Variants in IL20RA observed in about 807,000 individuals in gnomAD.
IL20RA encodes interleukin-20 receptor subunit alpha.
IL20RA carries 29 observed loss-of-function variants against 36.5 expected under a neutral mutation model. The observed-to-expected ratio is 0.79, with a 90% CI of 0.59 to 1.08. The LOEUF (loss-of-function observed/expected upper bound fraction) is 1.08. Among genes scored for constraint, IL20RA ranks in the 50% least tolerant of loss-of-function variants. The probability of loss-of-function intolerance (pLI) is 0.00; values close to 1 mark genes in which losing one functional copy is unlikely to be tolerated. For missense variants in IL20RA, 652 were observed against 668.4 expected (o/e 0.98, Z 0.27); for synonymous variants, 279 against 267.1 (o/e 1.04, Z -0.43).
intron 1 of IL20RA, among the ~76,000 whole-genome samples, chr6:137,025,881 A>T (rs1472800621): frequency 6.6e-6 from 1 of 152,226 alleles, no homozygotes; most frequent in Non-Finnish European, 1.5e-5. Flanking sequence ...CCTGATGAAC[A>T]CCAGTTAAAA....
intron 3 of IL20RA, among the ~76,000 whole-genome samples, chr6:137,009,809 T>C (rs893865450): frequency 1.3e-5 from 2 of 152,150 alleles, no homozygotes; most frequent in Non-Finnish European, 1.5e-5. Context: ...TTTCATCATG[T>C]TGGCCAGGCT....
At chr6:137,004,930 G>A (rs1002665736) in intron 5 of IL20RA, among the ~76,000 whole-genome samples, 170 bp from the exon 6 acceptor site, 2 of 152,160 alleles carry the variant, frequency 1.3e-5, no homozygotes, top group Non-Finnish European at 2.9e-5. Context: ...AATGTTATAA[G>A]CGGTCTCAGA....
Position 137,021,661 on chromosome 6 carries a change from C to G in IL20RA, c.89-4558G>C, listed in dbSNP as rs1775911781. On this transcript the variant is annotated intron_variant, in intron 1 of 6. Coordinates refer to ENST00000316649, the MANE Select transcript of IL20RA (RefSeq NM_014432.4). Reference sequence around the variant, plus strand: ...CCAGCCTGGGCAACAGAGCGAGACTCTGTCTCAAAAAATAAAATGTTGAAA... The same window carrying G: ...CCAGCCTGGGCAACAGAGCGAGACTGTGTCTCAAAAAATAAAATGTTGAAA... 4.6e-5 allele frequency among the ~76,000 whole-genome samples: 7 copies of G among 152,096 alleles called. No homozygotes were observed. The South Asian group carries it at 1.2e-3, about 27-fold the overall frequency.
intron 1 of IL20RA, among the ~76,000 whole-genome samples, chr6:137,032,052 CAAA>C (rs11379045): frequency 1.6e-5 from 1 of 61,922 alleles, no homozygotes. Flanking sequence ...GATTCTGTCT[CAAA>C]AAAAAAAAAA....
intron 1 of IL20RA, among the ~76,000 whole-genome samples, chr6:137,028,184 G>A (rs371417049): frequency 3.3e-5 from 5 of 152,242 alleles, no homozygotes; most frequent in Non-Finnish European, 4.4e-5. Flanking sequence ...CTGGGAGGCC[G>A]AGGTGGTTGG....
rs147603814 is a variant in IL20RA at position 137,003,293 on chromosome 6, T to C, written c.865-938A>G. Among the ~76,000 whole-genome samples the C allele has an allele frequency of 3.3e-4, 51 of 152,354 alleles. 2 individuals are homozygous for C. The East Asian group carries it at 8.3e-3, about 25-fold the overall frequency. The stretch of plus-strand genomic sequence containing the variant: ...AACTAACAGGAAACAAGGTATGTTA[T>C]CATGTACACGTGAACACATCTTTTA... On this transcript the variant is annotated intron_variant, in intron 6 of 6. Transcript: ENST00000316649.
At chr6:137,033,489 A>C (rs991560469) in intron 1 of IL20RA, among the ~76,000 whole-genome samples, 1 of 152,228 alleles carries the variant, frequency 6.6e-6, no homozygotes, top group Non-Finnish European at 1.5e-5. Context: ...TTAGTGGTTT[A>C]GCACCACCCG....
At chr6:137,030,757 T>C (rs72971575) in intron 1 of IL20RA, among the ~76,000 whole-genome samples, 7,016 of 152,322 alleles carry the variant, frequency 0.046, 215 homozygotes, top group Non-Finnish European at 0.067. Context: ...TTTTGGTTTA[T>C]TGATTAACCC....
chr6:137,006,579 A>G (rs1003063850), intron 5 of IL20RA, among the ~76,000 whole-genome samples: 5 of 152,190 alleles, frequency 3.3e-5, no homozygotes, highest in African/African-American at 1.2e-4. Context: ...TGTTTTAAAG[A>G]ATAGTTCCAA....
chr6:137,040,348 C>T (rs932257758), intron 1 of IL20RA, among the ~76,000 whole-genome samples: 4 of 151,954 alleles, frequency 2.6e-5, no homozygotes, highest in African/African-American at 7.3e-5. Context: ...TTCCCAGCTC[C>T]GTCCACCGAG....
chr6:137,035,386 G>A (rs1052760217), intron 1 of IL20RA, among the ~76,000 whole-genome samples: 1 of 152,138 alleles, frequency 6.6e-6, no homozygotes, highest in Non-Finnish European at 1.5e-5. Flanking sequence ...CTTCCTATAG[G>A]AAGCCCTGCC....
rs894761402 is a variant in IL20RA, at chr6:137,044,722, C to T, written c.7G>A (p.Ala3Thr). 6.5e-5 allele frequency: 79 copies of T among 1,218,646 alleles called. No homozygotes were observed. Among genetic ancestry groups the T allele is most frequent in the Non-Finnish European group, 8.1e-5 (79 of 979,986 alleles). The allele number at this position is 1,218,646 out of a possible 1,614,324, so 75.5% of individuals were successfully genotyped here. MR[A>T]PGRPALRPLP... Reference sequence around the variant, plus strand: ...GGCCGCAGGGCCGGGCGGCCGGGAGCCCGCATGGGCGGCGGGGCTGGGTCA... The same window carrying T: ...GGCCGCAGGGCCGGGCGGCCGGGAGTCCGCATGGGCGGCGGGGCTGGGTCA... Residue 3 changes from alanine to threonine, a missense_variant, in exon 1 of 7, where the codon GCT (alanine) becomes ACT (threonine). Transcript: ENST00000316649.
At chr6:137,041,183 G>A (rs1455990682) in intron 1 of IL20RA, among the ~76,000 whole-genome samples, 1 of 152,206 alleles carries the variant, frequency 6.6e-6, no homozygotes, top group African/African-American at 2.4e-5. Context: ...GGTCATGAAA[G>A]CAAAGAAAGG....
intron 1 of IL20RA, among the ~76,000 whole-genome samples, chr6:137,041,991 T>C (rs181644298): frequency 6.6e-6 from 1 of 151,898 alleles, no homozygotes; most frequent in Non-Finnish European, 1.5e-5. Context: ...GGCTCTGGTG[T>C]GTGATGTTCC....
intron 1 of IL20RA, among the ~76,000 whole-genome samples, chr6:137,033,774 C>G (rs952359597): frequency 6.6e-6 from 1 of 152,186 alleles, no homozygotes; most frequent in Non-Finnish European, 1.5e-5. Context: ...TTCTTTGTAG[C>G]AAGGCGAGAA....
At chr6:137,006,346 T>A (rs1446430537) in intron 5 of IL20RA, among the ~76,000 whole-genome samples, 1 of 152,224 alleles carries the variant, frequency 6.6e-6, no homozygotes, top group Non-Finnish European at 1.5e-5. Flanking sequence ...AATGCTGTGA[T>A]GCGGATGCTG....
At chr6:137,002,376 G>T in intron 6 of IL20RA, 21 bp from the exon 7 acceptor site, 1 of 1,476,644 alleles carries the variant, frequency 6.8e-7, no homozygotes, top group South Asian at 1.3e-5. Context: ...AAAAGAGAAT[G>T]ATTTTCACCT....
At chr6:137,030,070 G>GGTTTTTT (rs1776221303) in intron 1 of IL20RA, among the ~76,000 whole-genome samples, 2 of 62,804 alleles carry the variant, frequency 3.2e-5, no homozygotes, top group African/African-American at 1.3e-4. Context: ...CGGTTTGCGG[G>GGTTTTTT]TTTTTTTTTT....
intron 5 of IL20RA, among the ~76,000 whole-genome samples, chr6:137,006,179 T>C (rs907731301): frequency 6.6e-6 from 1 of 152,220 alleles, no homozygotes; most frequent in Non-Finnish European, 1.5e-5. Context: ...GCAAAGTCAC[T>C]ATCTGGTTAA....
Sources: allele counts gnomAD v4.1 joint callset (sites outside exome capture counted in the v4.1 genomes callset), GRCh38; gene constraint gnomAD v4.1.1; transcripts MANE v1.5; gene names NCBI Gene and HGNC (gene_info 2026-07-23, HGNC 2026-07-21).